TLL2: variants seen among roughly 807,000 people sequenced by gnomAD.
TLL2 encodes tolloid like 2, also known as tolloid-like protein 2.
In TLL2, 106 loss-of-function variants were observed where a neutral mutation model predicts 123.0. That is an observed-to-expected ratio of 0.86 (90% CI 0.74 to 1.01). The LOEUF is 1.01. TLL2 is among the 50% of genes least tolerant of loss of function. TLL2 has a pLI of 0.00. For synonymous variants in TLL2, 494 were observed against 516.8 expected (o/e 0.96, Z 0.60); for missense variants, 1,332 against 1,336.7 (o/e 1.00, Z 0.06).
chr10:96,409,023 T>G (rs1238293952), intron 9 of TLL2, among the ~76,000 whole-genome samples: 2 of 152,250 alleles, frequency 1.3e-5, no homozygotes, highest in East Asian at 3.8e-4. Flanking sequence ...TCCTAGTCAT[T>G]TGTCTCTAGT....
At chr10:96,452,243 G>C (rs1160386792) in intron 2 of TLL2, among the ~76,000 whole-genome samples, 1 of 152,240 alleles carries the variant, frequency 6.6e-6, no homozygotes, top group East Asian at 1.9e-4. Flanking sequence ...GGAGTCCTAG[G>C]AGGGTCTCTC....
intron 5 of TLL2, 34 bp downstream of exon 5, chr10:96,428,597 T>C (rs1846701896): frequency 3.6e-6 from 5 of 1,401,246 alleles, no homozygotes; most frequent in Non-Finnish European, 5.1e-6. Context: ...ATCCGACTGA[T>C]TCTGCAGAGG....
At chr10:96,513,411 G>C (rs1039657654) in intron 1 of TLL2, 100 bp downstream of exon 1, 2 of 1,488,364 alleles carry the variant, frequency 1.3e-6, no homozygotes, top group Admixed American at 3.6e-5. Flanking sequence ...GGGGAGGGGA[G>C]GGGAGACCCG....
At chr10:96,448,506 T>G (rs542376573) in intron 2 of TLL2, among the ~76,000 whole-genome samples, 1 of 152,294 alleles carries the variant, frequency 6.6e-6, no homozygotes, top group Admixed American at 6.5e-5. Context: ...AATGGGTTTG[T>G]TTGGGCATTC....
At chr10:96,380,384 T>C (rs1246460514) in intron 16 of TLL2, among the ~76,000 whole-genome samples, 1 of 152,238 alleles carries the variant, frequency 6.6e-6, no homozygotes, top group East Asian at 1.9e-4. Flanking sequence ...GTATTTCACC[T>C]GCTTATGTTA....
intron 2 of TLL2, 84 bp from the exon 3 acceptor site, chr10:96,446,252 C>G: frequency 7.7e-7 from 1 of 1,307,136 alleles, no homozygotes; most frequent in Middle Eastern, 2.2e-4. Flanking sequence ...CAAACCTGGT[C>G]ACCTGGGGAG....
chr10:96,388,491 G>T (rs929141723), intron 13 of TLL2, among the ~76,000 whole-genome samples: 2 of 152,194 alleles, frequency 1.3e-5, no homozygotes, highest in Non-Finnish European at 2.9e-5. Flanking sequence ...AGTTGGTAAA[G>T]ACCTGGAAAG....
chr10:96,375,299 T>G (rs1846127519), intron 18 of TLL2: 1 of 152,164 alleles, frequency 6.6e-6, no homozygotes, highest in Non-Finnish European at 1.5e-5. Context: ...TTGAGAAGTA[T>G]TCAACTCACA....
intron 2 of TLL2, 85 bp downstream of exon 2, chr10:96,480,264 C>T (rs1057482426): frequency 1.8e-6 from 2 of 1,133,724 alleles, no homozygotes; most frequent in East Asian, 2.4e-5. Context: ...AAGTCAAACA[C>T]CGATGACTCG....
Position 96,470,559 on chromosome 10 carries a change from C to A in TLL2, c.286+9790G>T, listed in dbSNP as rs186033343. 3.3e-5 allele frequency among the ~76,000 whole-genome samples: 5 copies of A among 152,364 alleles called. No individual in the cohort carries two copies. In the East Asian group the frequency reaches 9.6e-4, roughly 29 times the overall value. On this transcript the variant is annotated intron_variant, in intron 2 of 20. Transcript: ENST00000357947. ...CAAAACACATCCTGTGCACCCCCAG[C>A]ACCTCTCTAGGGGAGTGATGGAGAG...
chr10:96,432,000 G>T (rs972048902), intron 4 of TLL2, among the ~76,000 whole-genome samples: 1 of 152,120 alleles, frequency 6.6e-6, no homozygotes, highest in Non-Finnish European at 1.5e-5. Flanking sequence ...AGGGATGAAG[G>T]ATGGGAGAAG....
chr10:96,419,137 C>T (rs1261062109), intron 7 of TLL2, among the ~76,000 whole-genome samples: 1 of 152,146 alleles, frequency 6.6e-6, no homozygotes, highest in Non-Finnish European at 1.5e-5. Context: ...CCTGAGATTC[C>T]CTGCACACAG....
At chr10:96,480,320 G>A (rs202056471) in intron 2 of TLL2, 29 bp downstream of exon 2, 29 of 1,573,324 alleles carry the variant, frequency 1.8e-5, no homozygotes, top group Non-Finnish European at 2.5e-5. Flanking sequence ...CTCCCATCTG[G>A]GCAGGAGAAG....
At chr10:96,451,844 T>C (rs942533602) in intron 2 of TLL2, among the ~76,000 whole-genome samples, 6 of 152,232 alleles carry the variant, frequency 3.9e-5, no homozygotes, top group African/African-American at 1.4e-4. Flanking sequence ...AAGCCCTTCA[T>C]AGACATTACA....
chr10:96,476,637 GA>G lies in TLL2; in HGVS notation c.286+3711del, dbSNP rs34174319. Among the ~76,000 whole-genome samples the G allele has an allele frequency of 9.1e-3, 1,357 of 149,542 alleles. 25 individuals carry two copies. Among genetic ancestry groups the G allele is most frequent in the African/African-American group, 0.031 (1,240 of 40,544 alleles). Reference sequence around the variant, plus strand: ...TTTATAGAAACATTGCTTCTAAGAGGAAAAAAAAATACAGAAAAAAAATGGG... The same window carrying G: ...TTTATAGAAACATTGCTTCTAAGAGGAAAAAAAATACAGAAAAAAAATGGG... On this transcript the variant is annotated intron_variant, in intron 2 of 20. Transcript: ENST00000357947.
chr10:96,513,403 G>A, intron 1 of TLL2, 108 bp downstream of exon 1: 1 of 1,373,762 alleles, frequency 7.3e-7, no homozygotes, highest in South Asian at 1.3e-5. Context: ...GGATCTCAGG[G>A]GAGGGGAGGG....
chr10:96,494,645 G>A (rs546743174), intron 1 of TLL2, among the ~76,000 whole-genome samples: 6 of 152,356 alleles, frequency 3.9e-5, no homozygotes, highest in South Asian at 2.1e-4. Context: ...ATTCTGCAGT[G>A]GCTCTGTATC....
At chr10:96,503,788 G>A (rs879266) in intron 1 of TLL2, among the ~76,000 whole-genome samples, 42,215 of 152,098 alleles carry the variant, frequency 0.28, 6,137 homozygotes, top group Middle Eastern at 0.5. Context: ...GAATTCTCTC[G>A]TCCTTGTCAG....
chr10:96,488,596 G>T (rs1847380381), intron 1 of TLL2, among the ~76,000 whole-genome samples: 1 of 152,232 alleles, frequency 6.6e-6, no homozygotes, highest in African/African-American at 2.4e-5. Context: ...GCATGAGTCA[G>T]CGCTGCCCCT....
Sources: gnomAD v4.1 joint callset for allele counts (sites outside exome capture counted in the v4.1 genomes callset) on GRCh38, gnomAD v4.1.1 for gene constraint, MANE v1.5 for transcripts, NCBI Gene and HGNC (gene_info 2026-07-23, HGNC 2026-07-21) for gene names.